RAD23B: variants seen among roughly 807,000 people sequenced by gnomAD.
RAD23B encodes the protein RAD23 nucleotide excision repair protein B, also known as lysine-specific demethylase RAD23B.
A neutral mutation model predicts 49.1 loss-of-function variants in RAD23B; 5 were observed. That is an observed-to-expected ratio of 0.10 (90% CI 0.05 to 0.21). The LOEUF (loss-of-function observed/expected upper bound fraction) is 0.21. Ranked by LOEUF, RAD23B falls within the 10% of genes least tolerant of loss-of-function variation. The pLI, the probability that RAD23B is intolerant of heterozygous loss-of-function variation, is 1.00. For synonymous variants in RAD23B, 184 were observed against 165.4 expected, an observed-to-expected ratio of 1.11 and a Z score of -0.86; for missense variants, 356 against 486.7, an observed-to-expected ratio of 0.73 and a Z score of 2.53.
intron 2 of RAD23B, 132 bp downstream of exon 2, chr9:107,300,354 A>C: frequency 9.4e-7 from 1 of 1,059,156 alleles, no homozygotes; most frequent in Non-Finnish European, 1.3e-6. Flanking sequence ...GTGAAAGAGC[A>C]GTCATTTGAA....
chr9:107,319,128 CTTT>C (rs56891354), intron 6 of RAD23B, among the ~76,000 whole-genome samples: 4 of 97,788 alleles, frequency 4.1e-5, no homozygotes, highest in African/African-American at 1.2e-4. Flanking sequence ...TTTCTTTTTT[CTTT>C]TTTTTTTTTT....
chr9:107,297,574 G>A (rs1326422833), intron 1 of RAD23B, among the ~76,000 whole-genome samples: 1 of 151,966 alleles, frequency 6.6e-6, no homozygotes, highest in African/African-American at 2.4e-5. Context: ...TCCAACCTTA[G>A]GTGATCCGTC....
At chr9:107,298,709 T>A (rs147704620) in intron 1 of RAD23B, among the ~76,000 whole-genome samples, 1 of 151,364 alleles carries the variant, frequency 6.6e-6, no homozygotes, top group East Asian at 1.9e-4. Flanking sequence ...AAAATAAATA[T>A]AAACTTATTA....
At chr9:107,292,102 A>G (rs994515263) in intron 1 of RAD23B, among the ~76,000 whole-genome samples, 11 of 152,202 alleles carry the variant, frequency 7.2e-5, no homozygotes, top group African/African-American at 2.7e-4. Context: ...ACACAACTAC[A>G]CTATTTGTTT....
chr9:107,316,188 T>C (rs1005095466), intron 5 of RAD23B, among the ~76,000 whole-genome samples: 1 of 152,084 alleles, frequency 6.6e-6, no homozygotes, highest in African/African-American at 2.4e-5. Context: ...TTTTTTTGTA[T>C]TTTTAGTAGA....
chr9:107,288,980 G>T (rs973061397), intron 1 of RAD23B, among the ~76,000 whole-genome samples: 1 of 152,012 alleles, frequency 6.6e-6, no homozygotes, highest in African/African-American at 2.4e-5. Context: ...TTACAAGCAG[G>T]ACAGAAATCT....
chr9:107,283,842 T>G, intron 1 of RAD23B, 147 bp downstream of exon 1: 1 of 926,736 alleles, frequency 1.1e-6, no homozygotes, highest in Non-Finnish European at 1.4e-6. Context: ...CCTGGCGGCG[T>G]ACAGCGGAGC....
rs764315995 is a variant in RAD23B at position 107,331,666 on chromosome 9, C to A, written c.*2010C>A. 2.6e-6 allele frequency: 2 copies of A among 767,910 alleles called. No homozygotes were observed. Among genetic ancestry groups the A allele is most frequent in the South Asian group, 2.7e-5 (2 of 73,314 alleles). 47.6% of individuals were successfully genotyped at this position (767,910 alleles called of 1,614,324 possible). On this transcript the variant is annotated 3_prime_UTR_variant, in exon 10 of 10. Coordinates refer to ENST00000358015, the MANE Select transcript of RAD23B (RefSeq NM_002874.5). ...TATTTTATGACATTCTCTGTCTACT[C>A]AGATCATAGTGAAAACTGGAAACAA...
At chr9:107,310,859 C>A (rs10521083) in intron 4 of RAD23B, among the ~76,000 whole-genome samples, 122,760 of 152,080 alleles carry the variant, frequency 0.81, 50,093 homozygotes, top group African/African-American at 0.93. Flanking sequence ...GTAATTTATG[C>A]ATCCAAACTT....
chr9:107,315,781 T>G (rs1414193667), intron 5 of RAD23B, among the ~76,000 whole-genome samples: 1 of 152,116 alleles, frequency 6.6e-6, no homozygotes, highest in African/African-American at 2.4e-5. Flanking sequence ...CCCAGAGTGC[T>G]GGGATTACAG....
rs1248522889 is a variant in RAD23B, at chr9:107,284,925, C to T, written c.66+1230C>T. On this transcript the variant is annotated intron_variant, in intron 1 of 9. Transcript: ENST00000358015. ...GTGAAGATTAGATGGTATGTATTTA[C>T]TTGGTGGTCAGTAAATGGAATCGAT... 30 of 1,299,624 alleles carry T rather than the reference C, an allele frequency of 2.3e-5. No homozygotes were observed. The Admixed American group carries it at 3.0e-4, about 13-fold the overall frequency. The allele number at this position is 1,299,624 out of a possible 1,614,324, so 80.5% of individuals were successfully genotyped here.
chr9:107,284,063 G>A (rs962982797), intron 1 of RAD23B: 178 of 1,018,978 alleles, frequency 1.7e-4, no homozygotes, highest in Non-Finnish European at 2.1e-4. Flanking sequence ...GGTGGGGGAG[G>A]GAGACGTAGG....
In RAD23B at chr9:107,319,131, T is replaced by TTC. The variant is rs1179703301; in HGVS notation, c.681+253_681+254insCT. Among the ~76,000 whole-genome samples the TTC allele has an allele frequency of 5.1e-4, 64 of 125,884 alleles. 1 individual carries two copies. The highest frequency in any genetic ancestry group is 2.0e-3 in the African/African-American group (61 of 30,640). 82.6% of individuals were successfully genotyped at this position (125,884 alleles called of 152,430 possible). A position where few individuals can be genotyped will look rare whatever the true frequency, so the allele number is the denominator to read the frequency against. ...TCAGAACAAAAATTTCTTTTTTCTT[T>TTC]TTTTTTTTTTTTTTTTTGAGACGGA... On this transcript the variant is annotated intron_variant, in intron 6 of 9. Coordinates refer to ENST00000358015, the MANE Select transcript of RAD23B (RefSeq NM_002874.5).
chr9:107,319,930 T>C (rs147500042), intron 6 of RAD23B, among the ~76,000 whole-genome samples: 1 of 152,330 alleles, frequency 6.6e-6, no homozygotes, highest in East Asian at 1.9e-4. Flanking sequence ...TTTGGAGTAT[T>C]ATCAAAGTCT....
chr9:107,312,363 A>G (rs978911072), intron 5 of RAD23B, among the ~76,000 whole-genome samples: 9 of 152,054 alleles, frequency 5.9e-5, no homozygotes, highest in Non-Finnish European at 5.9e-5. Context: ...TTTAAATGGC[A>G]GGGAGGGAGA....
rs1827282893 is a variant in RAD23B, at chr9:107,330,216, T to TGG, written c.*563_*564dup. 6.6e-6 allele frequency: 1 copy of TGG among 152,568 alleles called. No individual in the cohort carries two copies. The highest frequency in any genetic ancestry group is 1.9e-4 in the East Asian group (1 of 5,182). 9.5% of individuals were successfully genotyped at this position (152,568 alleles called of 1,614,324 possible). On this transcript the variant is annotated 3_prime_UTR_variant, in exon 10 of 10. Transcript: ENST00000358015. This position sits in a 1 kb window ranked among gnomAD's most constrained non-coding sequence, Gnocchi z 4.4. ...AGCCCATTCTTTCATGTTAAATACTTGGGGTGGGAGGGGAGAAAGGGAACC... is the reference window on the plus strand; with the variant it reads ...AGCCCATTCTTTCATGTTAAATACTTGGGGGGTGGGAGGGGAGAAAGGGAACC...
At chr9:107,299,247 T>G (rs1826599435) in intron 1 of RAD23B, among the ~76,000 whole-genome samples, 1 of 152,212 alleles carries the variant, frequency 6.6e-6, no homozygotes, top group Non-Finnish European at 1.5e-5. Flanking sequence ...TCAAGAGAAC[T>G]GTCAACTTAG....
At chr9:107,321,055 A>G (rs16912381) in intron 6 of RAD23B, among the ~76,000 whole-genome samples, 8,338 of 152,188 alleles carry the variant, frequency 0.055, 699 homozygotes, top group African/African-American at 0.19. Flanking sequence ...AAGTCTATCA[A>G]TCATGTGCAT....
intron 4 of RAD23B, among the ~76,000 whole-genome samples, chr9:107,308,363 C>T (rs1018965738): frequency 3.9e-5 from 6 of 152,012 alleles, no homozygotes; most frequent in African/African-American, 9.7e-5. Context: ...GGATTACAGG[C>T]GCATGGCACC....
Sources: gnomAD v4.1 joint callset for allele counts (sites outside exome capture counted in the v4.1 genomes callset) on GRCh38, gnomAD v4.1.1 for gene constraint, Gnocchi (gnomAD v3.1) non-coding constraint, MANE v1.5 for transcripts, NCBI Gene and HGNC (gene_info 2026-07-23, HGNC 2026-07-21) for gene names.